Variants in PTPN3 observed in about 807,000 individuals in gnomAD.
PTPN3 encodes the protein protein tyrosine phosphatase non-receptor type 3.
PTPN3 carries 96 observed loss-of-function variants against 132.7 expected under a neutral mutation model. The ratio of observed to expected loss-of-function variants is 0.72; its 90% CI spans 0.61 to 0.86. The LOEUF (loss-of-function observed/expected upper bound fraction) is 0.86, where lower values mean the gene tolerates loss of function less well. Ranked by LOEUF, PTPN3 falls within the 40% of genes least tolerant of loss-of-function variation. The probability of loss-of-function intolerance (pLI) is 0.00; values close to 1 mark genes in which losing one functional copy is unlikely to be tolerated. For missense variants in PTPN3, 1,125 were observed against 1,159.6 expected (o/e 0.97, Z 0.43); for synonymous variants, 398 against 429.0 (o/e 0.93, Z 0.89).
At chr9:109,478,223 T>C (rs1846782690) in intron 1 of PTPN3, among the ~76,000 whole-genome samples, 1 of 152,232 alleles carries the variant, frequency 6.6e-6, no homozygotes. Flanking sequence ...GACTCTGATG[T>C]GCTCAGGTTG....
chr9:109,520,530 G>T, the PTPN3 span, among the ~76,000 whole-genome samples: 1 of 152,246 alleles, frequency 6.6e-6, no homozygotes, highest in African/African-American at 2.4e-5. Context: ...TGCTTGCTGT[G>T]CTGGGGATCA....
At chr9:109,426,798 G>A (rs1365975961) in intron 12 of PTPN3, 152 bp downstream of exon 12, 31 of 828,132 alleles carry the variant, frequency 3.7e-5, no homozygotes, top group Middle Eastern at 2.4e-4. Context: ...TGCTGACCCC[G>A]GGAGACTTTT....
At chr9:109,468,139 A>G (rs1038773098) in intron 1 of PTPN3, among the ~76,000 whole-genome samples, 1 of 152,188 alleles carries the variant, frequency 6.6e-6, no homozygotes, top group Non-Finnish European at 1.5e-5. Flanking sequence ...TGGGGAACTC[A>G]GGGTTTCTAT....
chr9:109,476,896 T>C (rs1254992504), intron 1 of PTPN3, among the ~76,000 whole-genome samples: 1 of 152,210 alleles, frequency 6.6e-6, no homozygotes, highest in African/African-American at 2.4e-5. Flanking sequence ...CCCTTTCCTG[T>C]TTCTGGGCTT....
chr9:109,510,708 T>C, the PTPN3 span, among the ~76,000 whole-genome samples: 1 of 150,754 alleles, frequency 6.6e-6, no homozygotes. Context: ...GGGAAAATGC[T>C]AGCACTAGTG....
chr9:109,402,225 T>C (rs940012416), intron 19 of PTPN3, among the ~76,000 whole-genome samples: 2 of 152,188 alleles, frequency 1.3e-5, no homozygotes, highest in East Asian at 3.8e-4. Flanking sequence ...GAATGAGTTT[T>C]ACTGCTCAAA....
intron 17 of PTPN3, among the ~76,000 whole-genome samples, chr9:109,407,494 TA>T (rs1326976228): frequency 9.9e-5 from 15 of 152,090 alleles, no homozygotes; most frequent in Non-Finnish European, 1.8e-4. Context: ...GTATGCACAA[TA>T]AAAAAATTAA....
At chr9:109,463,227 C>T in intron 2 of PTPN3, 70 bp downstream of exon 2, 1 of 1,372,872 alleles carries the variant, frequency 7.3e-7, no homozygotes, top group Non-Finnish European at 9.8e-7. Flanking sequence ...ATTTTGTGAG[C>T]CAAGAGATGA....
chr9:109,453,166 C>T (rs1438445014), intron 5 of PTPN3, among the ~76,000 whole-genome samples: 2 of 152,086 alleles, frequency 1.3e-5, no homozygotes, highest in African/African-American at 2.4e-5. Flanking sequence ...GGAGGAGGTG[C>T]ACAAAGAAGG....
chr9:109,461,741 A>T (rs1442770988), intron 2 of PTPN3, among the ~76,000 whole-genome samples: 1 of 146,134 alleles, frequency 6.8e-6, no homozygotes, highest in African/African-American at 2.6e-5. Context: ...TGGGTGACAG[A>T]GAAAGACCTT....
chr9:109,491,663 A>T (rs148152940), intron 1 of PTPN3, among the ~76,000 whole-genome samples: 1,563 of 152,362 alleles, frequency 0.01, 33 homozygotes, highest in African/African-American at 0.036. Context: ...GCTATAATGG[A>T]GAGAGATCTG....
rs547583523 is a variant in PTPN3, at chr9:109,450,960, A to G, written c.369-2105T>C. 1.2e-5 allele frequency: 12 copies of G among 984,552 alleles called. No individual in the cohort carries two copies. The South Asian group carries it at 5.6e-4, about 46-fold the overall frequency. The allele number at this position is 984,552 out of a possible 1,614,324, so 61.0% of individuals were successfully genotyped here. A position where few individuals can be genotyped will look rare whatever the true frequency, so the allele number is the denominator to read the frequency against. On this transcript the variant is annotated intron_variant, in intron 5 of 25. Coordinates refer to ENST00000374541, the MANE Select transcript of PTPN3 (RefSeq NM_002829.4). Reference sequence around the variant, plus strand: ...TCCTTCAGAGGGAATTTCCTTAAACAGGAACTACAAAGCTGGGGTAAGATA... The same window carrying G: ...TCCTTCAGAGGGAATTTCCTTAAACGGGAACTACAAAGCTGGGGTAAGATA...
intron 18 of PTPN3, 88 bp from the exon 19 acceptor site, chr9:109,404,696 G>A (rs1473228817): frequency 7.7e-7 from 1 of 1,305,708 alleles, no homozygotes; most frequent in African/African-American, 1.5e-5. Context: ...TATGACACCT[G>A]AATGCAGATG....
At chr9:109,448,089 T>C (rs1041075073) in intron 6 of PTPN3, among the ~76,000 whole-genome samples, 1 of 152,206 alleles carries the variant, frequency 6.6e-6, no homozygotes, top group African/African-American at 2.4e-5. Context: ...CTGTTGTCTC[T>C]ACTGCCCATA....
chr9:109,449,408 C>G, intron 5 of PTPN3: 1 of 985,670 alleles, frequency 1.0e-6, no homozygotes, highest in Non-Finnish European at 1.2e-6. Context: ...TGAGCAAAAG[C>G]ATAAACATCA....
chr9:109,387,612 T>C (rs929645958), intron 22 of PTPN3, among the ~76,000 whole-genome samples: 1 of 152,086 alleles, frequency 6.6e-6, no homozygotes, highest in Non-Finnish European at 1.5e-5. Flanking sequence ...AAGACAGGCA[T>C]TACCACCTCC....
upstream of PTPN3, among the ~76,000 whole-genome samples, chr9:109,501,676 G>A (rs1847866111): frequency 6.6e-6 from 1 of 152,186 alleles, no homozygotes; most frequent in Non-Finnish European, 1.5e-5. Context: ...TTAGGCTATT[G>A]TTGAACTCAG....
chr9:109,530,322 T>C, the PTPN3 span, among the ~76,000 whole-genome samples: 1 of 152,208 alleles, frequency 6.6e-6, no homozygotes, highest in African/African-American at 2.4e-5. Flanking sequence ...AGTGGAATCA[T>C]ATTTGTCCTT....
intron 1 of PTPN3, among the ~76,000 whole-genome samples, chr9:109,467,674 T>C (rs1281437333): frequency 6.6e-6 from 1 of 152,180 alleles, no homozygotes; most frequent in Admixed American, 6.5e-5. Context: ...TGCCTCCAAA[T>C]GAAAGTCACA....
Sources: allele counts gnomAD v4.1 joint callset (sites outside exome capture counted in the v4.1 genomes callset), GRCh38; gene constraint gnomAD v4.1.1; transcripts MANE v1.5; gene names NCBI Gene and HGNC (gene_info 2026-07-23, HGNC 2026-07-21).